TCF4: variants seen among roughly 807,000 people sequenced by gnomAD.
The protein encoded by TCF4 is transcription factor 4.
Under a neutral mutation model 82.1 loss-of-function variants are expected in TCF4, and 3 were observed. The ratio of observed to expected loss-of-function variants is 0.04; its 90% CI spans 0.02 to 0.09. The LOEUF (loss-of-function observed/expected upper bound fraction) is 0.09, where lower values mean the gene tolerates loss of function less well. Among genes scored for constraint, TCF4 ranks in the 10% least tolerant of loss-of-function variants. TCF4 has a pLI of 1.00. For missense variants in TCF4, 518 were observed against 852.7 expected, an observed-to-expected ratio of 0.61 and a Z score of 4.89; for synonymous variants, 276 against 309.6, an observed-to-expected ratio of 0.89 and a Z score of 1.14.
At chr18:55,284,575 C>G (rs1343855998) in intron 8 of TCF4, among the ~76,000 whole-genome samples, 2 of 152,080 alleles carry the variant, frequency 1.3e-5, no homozygotes, top group African/African-American at 4.8e-5. Context: ...GGGTGGTAGC[C>G]ACCTGATTGT....
chr18:55,395,275 T>C (rs2093422351), intron 6 of TCF4, among the ~76,000 whole-genome samples: 1 of 152,224 alleles, frequency 6.6e-6, no homozygotes, highest in Non-Finnish European at 1.5e-5. Context: ...AAATCAATTA[T>C]TTCTTTAGTC....
chr18:55,456,432 C>A (rs573848709), intron 5 of TCF4, among the ~76,000 whole-genome samples: 1 of 152,210 alleles, frequency 6.6e-6, no homozygotes, highest in Non-Finnish European at 1.5e-5. Context: ...AAGCATAGCC[C>A]CGATGCTGAA....
At chr18:55,237,049 T>C (rs1311032577) in intron 15 of TCF4, among the ~76,000 whole-genome samples, 1 of 152,210 alleles carries the variant, frequency 6.6e-6, no homozygotes, top group Non-Finnish European at 1.5e-5. Context: ...CTAGATCACA[T>C]TGAGGTAAGT....
Position 55,434,203 on chromosome 18 carries a change from G to T in TCF4, c.304+26816C>A, listed in dbSNP as rs1371344013. ...GTATCCTCTGCTCTTTATTAATTCTGCCAAAAAAAGTGTTCATTGTAATAA... is the reference window on the plus strand; with the variant it reads ...GTATCCTCTGCTCTTTATTAATTCTTCCAAAAAAAGTGTTCATTGTAATAA... On this transcript the variant is annotated intron_variant, in intron 5 of 19. Coordinates refer to ENST00000354452, the MANE Select transcript of TCF4 (RefSeq NM_001083962.2). Among the ~76,000 whole-genome samples, 46 of 151,752 alleles carry T rather than the reference G, an allele frequency of 3.0e-4. 1 individual carries two copies. Among genetic ancestry groups the T allele is most frequent in the Admixed American group, 3.0e-3 (46 of 15,234 alleles).
intron 3 of TCF4, among the ~76,000 whole-genome samples, chr18:55,543,838 T>C (rs1336794610): frequency 2.6e-5 from 4 of 152,152 alleles, no homozygotes; most frequent in Non-Finnish European, 4.4e-5. Flanking sequence ...ATACCTTTCA[T>C]GAACTGAAAA....
At chr18:55,465,083 A>G (rs1280377195) in intron 3 of TCF4, among the ~76,000 whole-genome samples, 2 of 152,208 alleles carry the variant, frequency 1.3e-5, no homozygotes, top group African/African-American at 4.8e-5. Context: ...TCATAAGTAT[A>G]AAAAGTTTCA....
At chr18:55,337,822 T>C (rs928630705) in intron 8 of TCF4, among the ~76,000 whole-genome samples, 2 of 152,132 alleles carry the variant, frequency 1.3e-5, no homozygotes, top group East Asian at 3.8e-4. Flanking sequence ...TGAGATTTTG[T>C]ATGGATCACC....
chr18:55,354,898 C>T (rs571979023), intron 6 of TCF4, among the ~76,000 whole-genome samples: 18 of 152,282 alleles, frequency 1.2e-4, no homozygotes, highest in Non-Finnish European at 2.4e-4. Flanking sequence ...AGGGCTTTCT[C>T]GATTCTGCGT....
intron 2 of TCF4, among the ~76,000 whole-genome samples, chr18:55,619,291 C>A (rs1332603663): frequency 1.3e-5 from 2 of 152,116 alleles, no homozygotes; most frequent in East Asian, 3.9e-4. Context: ...GAAATCCTAA[C>A]CCATTTCCTC....
intron 5 of TCF4, among the ~76,000 whole-genome samples, chr18:55,435,545 A>T (rs1318432714): frequency 1.3e-5 from 2 of 152,246 alleles, no homozygotes; most frequent in East Asian, 3.8e-4. Flanking sequence ...ATGTATTTGC[A>T]GAATGAATGA....
intron 6 of TCF4, among the ~76,000 whole-genome samples, chr18:55,372,143 C>G (rs1218945496): frequency 6.6e-6 from 1 of 151,884 alleles, no homozygotes; most frequent in Non-Finnish European, 1.5e-5. Flanking sequence ...ATAAATGATA[C>G]TGGGTGTGTG....
At chr18:55,257,766 C>T (rs1188276873) in intron 13 of TCF4, among the ~76,000 whole-genome samples, 2 of 152,076 alleles carry the variant, frequency 1.3e-5, no homozygotes, top group African/African-American at 4.8e-5. Context: ...TTATGTTAAA[C>T]CAAAATTCTC....
At chr18:55,341,961 G>T (rs187166278) in intron 8 of TCF4, among the ~76,000 whole-genome samples, 1 of 152,262 alleles carries the variant, frequency 6.6e-6, no homozygotes, top group Non-Finnish European at 1.5e-5. Context: ...CAGTTGAAAA[G>T]CTCCACGATT....
At chr18:55,321,362 T>TAAA in intron 8 of TCF4, 2 of 300,972 alleles carry the variant, frequency 6.6e-6, no homozygotes, top group South Asian at 5.6e-5. Context: ...CAAAACTCTT[T>TAAA]AAAAAAAAAA....
At chr18:55,350,322 A>G in intron 8 of TCF4, 37 bp downstream of exon 8, 2 of 1,603,422 alleles carry the variant, frequency 1.2e-6, no homozygotes, top group Non-Finnish European at 1.7e-6. Context: ...ACAGAACAAA[A>G]TAAGCAATAT....
chr18:55,448,004 A>G (rs2958173), intron 5 of TCF4, among the ~76,000 whole-genome samples: 132,427 of 138,124 alleles, frequency 0.96, 63,712 homozygotes, highest in East Asian at 1. Context: ...GGGGGATGAT[A>G]TGGGGGGGGA....
At chr18:55,625,803 A>G (rs886990857) in intron 2 of TCF4, among the ~76,000 whole-genome samples, 15 of 152,196 alleles carry the variant, frequency 9.9e-5, no homozygotes, top group Non-Finnish European at 2.2e-4. Context: ...AGAAGAAAGG[A>G]AGTATTTTTT....
chr18:55,374,856 G>C (rs1423734036), intron 6 of TCF4, among the ~76,000 whole-genome samples: 1 of 125,768 alleles, frequency 8.0e-6, no homozygotes, highest in Non-Finnish European at 1.6e-5. Context: ...TTTGAGGATA[G>C]AGTGAGGCCC....
intron 3 of TCF4, among the ~76,000 whole-genome samples, chr18:55,511,329 TTTAAAA>T (rs1412170143): frequency 1.6e-4 from 1 of 6,256 alleles, no homozygotes; most frequent in Non-Finnish European, 2.6e-4. Context: ...ATTCCAAAAG[TTTAAAA>T]AAAAAAAAAA....
Sources: gnomAD v4.1 joint callset for allele counts (sites outside exome capture counted in the v4.1 genomes callset) on GRCh38, gnomAD v4.1.1 for gene constraint, MANE v1.5 for transcripts, NCBI Gene and HGNC (gene_info 2026-07-23, HGNC 2026-07-21) for gene names.